ABCG8: variants seen among roughly 807,000 people sequenced by gnomAD.
The protein encoded by ABCG8 is ATP-binding cassette sub-family G member 8.
A neutral mutation model predicts 71.3 loss-of-function variants in ABCG8; 81 were observed. The observed-to-expected ratio is 1.14, with a 90% CI of 0.95 to 1.37. ABCG8 has a LOEUF of 1.37. Among genes scored for constraint, ABCG8 ranks in the 40% most tolerant of loss-of-function variants. The probability of loss-of-function intolerance (pLI) is 0.00; values close to 1 mark genes in which losing one functional copy is unlikely to be tolerated. For synonymous variants in ABCG8, 451 were observed against 354.7 expected, an observed-to-expected ratio of 1.27 and a Z score of -3.05; for missense variants, 1,119 against 866.2, an observed-to-expected ratio of 1.29 and a Z score of -3.66.
chr2:43,862,641 G>A (rs886758317), intron 6 of ABCG8, among the ~76,000 whole-genome samples: 12 of 150,516 alleles, frequency 8.0e-5, no homozygotes, highest in African/African-American at 2.2e-4. Flanking sequence ...TATCTGGATA[G>A]AATTCTCACT....
rs1670123019 is a variant in ABCG8 at position 43,881,224 on chromosome 2, G to A, written c.*3311G>A. On this transcript the variant is annotated 3_prime_UTR_variant, in exon 13 of 13. Coordinates refer to ENST00000272286, the MANE Select transcript of ABCG8 (RefSeq NM_022437.3). Reference sequence around the variant, plus strand: ...GAAGGGGAAAAGGGCAAAGTGCAAAGGCAGGAGGGATGGAGAAAATATAGC... The same window carrying A: ...GAAGGGGAAAAGGGCAAAGTGCAAAAGCAGGAGGGATGGAGAAAATATAGC... The A allele has an allele frequency of 6.6e-6, 1 of 152,264 alleles. No homozygotes were observed. Among genetic ancestry groups the A allele is most frequent in the Non-Finnish European group, 1.5e-5 (1 of 68,076 alleles). 9.4% of individuals were successfully genotyped at this position (152,264 alleles called of 1,614,324 possible).
At chr2:43,856,219 T>A (rs1374397180) in intron 6 of ABCG8, among the ~76,000 whole-genome samples, 1 of 152,014 alleles carries the variant, frequency 6.6e-6, no homozygotes, top group Admixed American at 6.5e-5. Flanking sequence ...GGTAGAACTC[T>A]GACTATCTGT....
chr2:43,856,915 C>T (rs1669131289), intron 6 of ABCG8, among the ~76,000 whole-genome samples: 1 of 151,022 alleles, frequency 6.6e-6, no homozygotes, highest in Non-Finnish European at 1.5e-5. Flanking sequence ...GGATAGAATT[C>T]TCACTATCTG....
At chr2:43,860,304 CTA>C (rs1379721818) in intron 6 of ABCG8, among the ~76,000 whole-genome samples, 1 of 151,266 alleles carries the variant, frequency 6.6e-6, no homozygotes, top group African/African-American at 2.4e-5. Context: ...AGAACTCTCA[CTA>C]TCTTCCTGGA....
chr2:43,850,293 C>T (rs1401778805), intron 3 of ABCG8, among the ~76,000 whole-genome samples: 1 of 152,144 alleles, frequency 6.6e-6, no homozygotes, highest in Non-Finnish European at 1.5e-5. Flanking sequence ...ATGTTCTGAG[C>T]CTGAGCCCAA....
intron 6 of ABCG8, among the ~76,000 whole-genome samples, chr2:43,870,938 C>T (rs1432069329): frequency 1.4e-5 from 2 of 145,988 alleles, no homozygotes; most frequent in African/African-American, 2.6e-5. Flanking sequence ...CTTAATAACT[C>T]GATAGAACTT....
chr2:43,868,351 T>C (rs984694774), intron 6 of ABCG8, among the ~76,000 whole-genome samples: 5 of 152,100 alleles, frequency 3.3e-5, no homozygotes, highest in African/African-American at 7.2e-5. Flanking sequence ...TCTCACTATC[T>C]GGATAGAACT....
At chr2:43,868,115 A>G (rs554026010) in intron 6 of ABCG8, among the ~76,000 whole-genome samples, 49 of 152,002 alleles carry the variant, frequency 3.2e-4, no homozygotes, top group African/African-American at 1.1e-3. Context: ...GTCTGCCTGG[A>G]TCGAATTCTC....
chr2:43,878,071 A>T lies in ABCG8; in HGVS notation c.*158A>T. 7.9e-6 allele frequency: 8 copies of T among 1,014,450 alleles called. No homozygotes were observed. The highest frequency in any genetic ancestry group is 1.2e-5 in the Non-Finnish European group (8 of 670,848). 62.8% of individuals were successfully genotyped at this position (1,014,450 alleles called of 1,614,324 possible). A position where few individuals can be genotyped will look rare whatever the true frequency, so the allele number is the denominator to read the frequency against. ...TGCTGCAGTGGCACAGACCAGCCACAGGATGGCAGTAGAATAAAGACAGTC... is the reference window on the plus strand; with the variant it reads ...TGCTGCAGTGGCACAGACCAGCCACTGGATGGCAGTAGAATAAAGACAGTC... On this transcript the variant is annotated 3_prime_UTR_variant, in exon 13 of 13. Transcript: ENST00000272286.
At chr2:43,875,469 G>GA in intron 11 of ABCG8, 56 bp downstream of exon 11, 1 of 1,583,180 alleles carries the variant, frequency 6.3e-7, no homozygotes, top group Non-Finnish European at 8.6e-7. Flanking sequence ...GTGACTGGAT[G>GA]AAGCCTGCTT....
At position 43,875,342 on chromosome 2, in the gene ABCG8, T is replaced by C. The variant is rs1391580199; in HGVS notation, c.1685T>C (p.Phe562Ser). ...CCCACCTTCCACATGGCCTCCTTCT[T>C]CAGCAATGCCCTCTACAACTCCTTC... ...LLPTFHMASF[F>S]SNALYNSFYL... Residue 562 changes from phenylalanine to serine, a missense_variant, in exon 11 of 13, where the codon TTC becomes TCC. By Grantham distance (155) the Phe-to-Ser change is radical (BLOSUM62 -2). Transcript: ENST00000272286. 1 of 1,614,050 alleles carries C rather than the reference T, an allele frequency of 6.2e-7. No homozygotes were observed. Among genetic ancestry groups the C allele is most frequent in the African/African-American group, 1.3e-5 (1 of 74,936 alleles).
chr2:43,875,295 C>T lies in ABCG8; in HGVS notation c.1638C>T (p.Ala546=), dbSNP rs746258197. ...TGGTCTTCTGTTGCAGGATTATGGC[C>T]CTGGCCGCCGCGGCCCTGCTCCCCA... ...WLVVFCCRIM[A]LAAAALLPTF... is the part of the protein sequence containing the mutation. The change falls in exon 11 of 13, where the codon GCC becomes GCT. Residue 546 remains alanine (A), a synonymous_variant. Coordinates refer to ENST00000272286, the MANE Select transcript of ABCG8 (RefSeq NM_022437.3). 3.7e-6 allele frequency: 6 copies of T among 1,614,204 alleles called. No homozygotes were observed. The highest frequency in any genetic ancestry group is 4.5e-5 in the East Asian group (2 of 44,876).
chr2:43,872,046 C>CG lies in ABCG8; in HGVS notation c.1036dup (p.Ala346GlyfsTer10). ...CCACCAGGGAGAAGGCTCAGTCACTCGCAGCCCTGTTTCTAGAAAAAGTGC... is the reference window on the plus strand; with the variant it reads ...CCACCAGGGAGAAGGCTCAGTCACTCGGCAGCCCTGTTTCTAGAAAAAGTGC... On this transcript the variant is annotated frameshift_variant, in exon 7 of 13. Coordinates refer to ENST00000272286, the MANE Select transcript of ABCG8 (RefSeq NM_022437.3). LOFTEE classifies it high-confidence loss of function. 1.9e-6 allele frequency: 3 copies of CG among 1,614,080 alleles called. No individual in the cohort carries two copies. Among genetic ancestry groups the CG allele is most frequent in the Non-Finnish European group, 2.5e-6 (3 of 1,180,032 alleles).
intron 6 of ABCG8, among the ~76,000 whole-genome samples, chr2:43,855,984 T>TCTTACCATCTATCTGGATAGAAC (rs1428975395): frequency 2.0e-3 from 297 of 151,862 alleles, no homozygotes; most frequent in Non-Finnish European, 3.3e-3. Context: ...CTGGATAGAA[T>TCTTACCATCTATCTGGATAGAAC]TCTTACCATC....
In ABCG8 at chr2:43,877,678, C is replaced by T. The variant is rs1670006302; in HGVS notation, c.1874C>T (p.Ser625Leu). Residue 625 changes from serine to leucine, a missense_variant, in exon 12 of 13, where the codon TCA becomes TTA. Ser to Leu is a moderately radical substitution (Grantham distance 145). Coordinates refer to ENST00000272286, the MANE Select transcript of ABCG8 (RefSeq NM_022437.3). Reference sequence around the variant, plus strand: ...CTCGGGAACCTCACCATCGCGGTCTCAGGAGATAAAGTAAGCGGGGAAGGC... The same window carrying T: ...CTCGGGAACCTCACCATCGCGGTCTTAGGAGATAAAGTAAGCGGGGAAGGC... Reference protein sequence around the residue: ...MPLGNLTIAVSGDKILSVMEL... With the variant: ...MPLGNLTIAVLGDKILSVMEL... 6.2e-7 allele frequency: 1 copy of T among 1,613,968 alleles called. No individual in the cohort carries two copies.
intron 6 of ABCG8, among the ~76,000 whole-genome samples, chr2:43,864,211 G>GATCTGGATAGAACTTTCACT (rs1373421712): frequency 1.4e-5 from 2 of 146,856 alleles, no homozygotes; most frequent in Non-Finnish European, 3.0e-5. Context: ...GAATTCCCAC[G>GATCTGGATAGAACTTTCACT]ATCTGGATAG....
chr2:43,839,897 G>A (rs537582338), intron 1 of ABCG8, among the ~76,000 whole-genome samples: 1 of 152,314 alleles, frequency 6.6e-6, no homozygotes, highest in East Asian at 1.9e-4. Context: ...GGCTCTAACA[G>A]GCAATCGTAA....
Position 43,851,641 on chromosome 2 carries a change from T to C in ABCG8, c.380T>C (p.Ile127Thr). Residue 127 changes from isoleucine (I) to threonine (T), a missense_variant, in exon 4 of 13, where the codon ATC becomes ACC. Transcript: ENST00000272286. ...ACTGGCCGAGGTCACGGCGGCAAGA[T>C]CAAGTCAGGCCAGATCTGGATCAAT... The part of the protein sequence containing the change: ...VITGRGHGGK[I>T]KSGQIWINGQ... The C allele has an allele frequency of 6.2e-7, 1 of 1,614,180 alleles. No homozygotes were observed. Among genetic ancestry groups the C allele is most frequent in the Non-Finnish European group, 8.5e-7 (1 of 1,180,024 alleles).
At chr2:43,851,218 G>C (rs977074277) in intron 3 of ABCG8, among the ~76,000 whole-genome samples, 1 of 152,180 alleles carries the variant, frequency 6.6e-6, no homozygotes, top group Non-Finnish European at 1.5e-5. Flanking sequence ...GCCTGCCTTG[G>C]GGAGAAAGGG....
Sources: gnomAD v4.1 joint callset for allele counts (sites outside exome capture counted in the v4.1 genomes callset) on GRCh38, gnomAD v4.1.1 for gene constraint, MANE v1.5 for transcripts, NCBI Gene and HGNC (gene_info 2026-07-23, HGNC 2026-07-21) for gene names.